Variants in ARHGEF18 observed in about 807,000 individuals in gnomAD.
The protein encoded by ARHGEF18 is rho guanine nucleotide exchange factor 18.
A neutral mutation model predicts 155.7 loss-of-function variants in ARHGEF18; 93 were observed. The observed-to-expected ratio is 0.60, with a 90% CI of 0.50 to 0.71. The LOEUF (loss-of-function observed/expected upper bound fraction) is 0.71, where lower values mean the gene tolerates loss of function less well. Among genes scored for constraint, ARHGEF18 ranks in the 30% least tolerant of loss-of-function variants. The pLI, the probability that ARHGEF18 is intolerant of heterozygous loss-of-function variation, is 0.00. For missense variants in ARHGEF18, 1,593 were observed against 1,816.1 expected, an observed-to-expected ratio of 0.88 and a Z score of 2.23; for synonymous variants, 742 against 753.1, an observed-to-expected ratio of 0.99 and a Z score of 0.24.
chr19:7,350,019 C>T (rs1041202232), intron 1 of ARHGEF18, among the ~76,000 whole-genome samples: 2 of 152,200 alleles, frequency 1.3e-5, no homozygotes, highest in African/African-American at 4.8e-5. Context: ...GAGCACATCC[C>T]TCCACCCAGG....
rs1227726473 is a variant in ARHGEF18, at chr19:7,395,586, C to T, written c.967+12383C>T. ...CCAGCCTCTGCTCCTCGTTCAGGAG[C>T]GCCCGGGGCAGGACCAGGGATGGAA... On this transcript the variant is annotated intron_variant, in intron 10 of 28. Coordinates refer to ENST00000668164, the MANE Select transcript of ARHGEF18 (RefSeq NM_001367823.1). This position sits in a 1 kb window ranked among gnomAD's most constrained non-coding sequence, Gnocchi z 5.0. Among the ~76,000 whole-genome samples, 1 of 152,086 alleles carries T rather than the reference C, an allele frequency of 6.6e-6. No homozygotes were observed. Among genetic ancestry groups the T allele is most frequent in the Non-Finnish European group, 1.5e-5 (1 of 67,996 alleles).
At chr19:7,368,841 C>T (rs1389010139) in intron 2 of ARHGEF18, among the ~76,000 whole-genome samples, 1 of 152,086 alleles carries the variant, frequency 6.6e-6, no homozygotes, top group East Asian at 1.9e-4. Context: ...CACATGAGGG[C>T]CAGCCAGAGC....
At chr19:7,385,945 C>T (rs1418998456) in intron 10 of ARHGEF18, among the ~76,000 whole-genome samples, 14 of 66,924 alleles carry the variant, frequency 2.1e-4, no homozygotes, top group Middle Eastern at 9.8e-3. Context: ...TCCCCCTCTC[C>T]CTCTCTCTCT....
chr19:7,378,271 C>G, intron 5 of ARHGEF18, 123 bp from the exon 6 acceptor site: 1 of 607,248 alleles, frequency 1.6e-6, no homozygotes, highest in Non-Finnish European at 2.4e-6. Flanking sequence ...AGAGTACAGG[C>G]CCTGTCTGCA....
At chr19:7,453,860 T>G in intron 17 of ARHGEF18, 145 bp downstream of exon 17, 1 of 1,144,264 alleles carries the variant, frequency 8.7e-7, no homozygotes, top group South Asian at 2.3e-5. Context: ...CATCTTGGAT[T>G]GGTGGGTACT....
rs1469305465 is a variant in ARHGEF18 at position 7,440,387 on chromosome 19, C to T, written c.1011C>T (p.Gly337=). 6 of 1,610,120 alleles carry T rather than the reference C, an allele frequency of 3.7e-6. No homozygotes were observed. In the East Asian group the frequency reaches 1.1e-4, roughly 30 times the overall value. Residue 337 remains glycine, a synonymous_variant, in exon 11 of 29, where the codon GGC becomes GGT. Coordinates refer to ENST00000668164, the MANE Select transcript of ARHGEF18 (RefSeq NM_001367823.1). This position sits in a 1 kb window ranked among gnomAD's most constrained non-coding sequence, Gnocchi z 5.4. Reference sequence around the variant, plus strand: ...CCCGGGGCACCCTCCTGTCCGATGGCAGCCCGGCCCTGTCCAGGAATGTCG... The same window carrying T: ...CCCGGGGCACCCTCCTGTCCGATGGTAGCCCGGCCCTGTCCAGGAATGTCG... ...EHPRGTLLSD[G]SPALSRNVGM...
chr19:7,398,889 G>T (rs891708270), intron 10 of ARHGEF18, among the ~76,000 whole-genome samples: 12 of 152,302 alleles, frequency 7.9e-5, no homozygotes, highest in Admixed American at 6.5e-4. Flanking sequence ...CCCTTTGTGG[G>T]CCAGGGCCGT....
At chr19:7,432,217 G>C (rs1418770083) in intron 10 of ARHGEF18, among the ~76,000 whole-genome samples, 1 of 152,156 alleles carries the variant, frequency 6.6e-6, no homozygotes, top group Admixed American at 6.6e-5. Context: ...CGAAAAGGCA[G>C]GAACTGTGAA....
Position 7,462,027 on chromosome 19 carries a change from C to T in ARHGEF18, c.2453-125C>T, listed in dbSNP as rs923270958. 3.7e-6 allele frequency: 4 copies of T among 1,071,346 alleles called. No homozygotes were observed. In the Admixed American group the frequency reaches 5.7e-5, roughly 15 times the overall value. The allele number at this position is 1,071,346 out of a possible 1,614,324, so 66.4% of individuals were successfully genotyped here. A position where few individuals can be genotyped will look rare whatever the true frequency, so the allele number is the denominator to read the frequency against. On this transcript the variant is annotated intron_variant, in intron 20 of 28. Transcript: ENST00000668164. This position sits in a 1 kb window ranked among gnomAD's most constrained non-coding sequence, Gnocchi z 4.4. ...CCCTACCTCCCAGGAATGCAGGACACAAGGGGGCAGCCTACCTCAGGGCAG... is the reference window on the plus strand; with the variant it reads ...CCCTACCTCCCAGGAATGCAGGACATAAGGGGGCAGCCTACCTCAGGGCAG...
In ARHGEF18 at chr19:7,453,678, C is replaced by T; in HGVS notation, c.2067C>T (p.Gly689=). 1.3e-6 allele frequency: 2 copies of T among 1,597,272 alleles called. No homozygotes were observed. Among genetic ancestry groups the T allele is most frequent in the Non-Finnish European group, 1.7e-6 (2 of 1,169,038 alleles). ...TTCAGCGGCAGCTCCACCTGGAGGG[C>T]ATGCTATGCTGGAAGACCACATCAG... The part of the protein sequence containing the change: ...DMLQRQLHLE[G]MLCWKTTSGR... Residue 689 remains glycine, a synonymous_variant, in exon 17 of 29, where the codon GGC becomes GGT. Coordinates refer to ENST00000668164, the MANE Select transcript of ARHGEF18 (RefSeq NM_001367823.1).
intron 18 of ARHGEF18, among the ~76,000 whole-genome samples, 191 bp from the exon 19 acceptor site, chr19:7,458,320 AG>A (rs1375034854): frequency 6.5e-4 from 91 of 139,634 alleles, no homozygotes; most frequent in African/African-American, 2.2e-3. Flanking sequence ...AAAAAAAAAA[AG>A]GTTTCTAGGA....
At chr19:7,443,928 T>A (rs35318348) in intron 13 of ARHGEF18, among the ~76,000 whole-genome samples, 48,722 of 150,546 alleles carry the variant, frequency 0.32, 8,201 homozygotes, top group Middle Eastern at 0.5. Context: ...AAACACGGAC[T>A]TAAAATGTCG....
rs1470757750 is a variant in ARHGEF18 at position 7,456,359 on chromosome 19, T to C, written c.2137T>C (p.Leu713=). 3.1e-6 allele frequency: 5 copies of C among 1,614,084 alleles called. No homozygotes were observed. Among genetic ancestry groups the C allele is most frequent in the Admixed American group, 3.3e-5 (2 of 60,000 alleles). ...GGCTATCCTGCTGACCGACGTACTT[T>C]TGCTGCTACAAGAAAAAGATCAGAA... ...ILAILLTDVL[L]LLQEKDQKYV... The change falls in exon 18 of 29, where the codon TTG becomes CTG. Residue 713 remains leucine, a synonymous_variant. Coordinates refer to ENST00000668164, the MANE Select transcript of ARHGEF18 (RefSeq NM_001367823.1).
chr19:7,407,297 G>A (rs893946175), intron 10 of ARHGEF18, among the ~76,000 whole-genome samples: 1 of 151,654 alleles, frequency 6.6e-6, no homozygotes, highest in African/African-American at 2.4e-5. Flanking sequence ...GTGGTGGCGG[G>A]CACCTGTAAT....
chr19:7,449,142 C>A (rs1276039215), intron 15 of ARHGEF18, among the ~76,000 whole-genome samples: 1 of 152,132 alleles, frequency 6.6e-6, no homozygotes, highest in Non-Finnish European at 1.5e-5. Flanking sequence ...CTCCGGGCCT[C>A]TTCAGTGGCT....
chr19:7,461,001 A>C (rs1976212005), intron 20 of ARHGEF18, among the ~76,000 whole-genome samples: 1 of 151,724 alleles, frequency 6.6e-6, no homozygotes, highest in Non-Finnish European at 1.5e-5. Flanking sequence ...GTTGGCCAGG[A>C]TGGTCTCAAT....
intron 10 of ARHGEF18, among the ~76,000 whole-genome samples, chr19:7,400,034 G>C (rs948221284): frequency 6.6e-6 from 1 of 152,084 alleles, no homozygotes; most frequent in South Asian, 2.1e-4. Flanking sequence ...GTCTCCCAAA[G>C]TGTTGGTATT....
In ARHGEF18 at chr19:7,381,688, AAAT is replaced by A. The variant is rs1473532456; in HGVS notation, c.722+700_722+702del. On this transcript the variant is annotated intron_variant, in intron 8 of 28. Transcript: ENST00000668164. ...GTGAAACTCCGTCTCAAAAATAAAT[AAAT>A]AATAAATAAATAAATAAATAAATAA... Among the ~76,000 whole-genome samples, 778 of 138,230 alleles carry A rather than the reference AAAT, an allele frequency of 5.6e-3. 4 individuals are homozygous for A. Among genetic ancestry groups the A allele is most frequent in the African/African-American group, 0.023 (717 of 30,716 alleles). 90.7% of individuals were successfully genotyped at this position (138,230 alleles called of 152,430 possible).
At chr19:7,364,882 G>A (rs1471150843) in intron 2 of ARHGEF18, among the ~76,000 whole-genome samples, 2 of 152,184 alleles carry the variant, frequency 1.3e-5, no homozygotes, top group African/African-American at 4.8e-5. Flanking sequence ...AGCAGACTCA[G>A]ACGGAGTTGG....
Sources: allele counts gnomAD v4.1 joint callset (sites outside exome capture counted in the v4.1 genomes callset), GRCh38; gene constraint gnomAD v4.1.1; non-coding constraint Gnocchi (gnomAD v3.1); transcripts MANE v1.5; gene names NCBI Gene and HGNC (gene_info 2026-07-23, HGNC 2026-07-21).